The following SUSD4 variants were observed in gnomAD, a reference collection of about 807,000 sequenced individuals.
SUSD4 encodes the protein sushi domain-containing protein 4.
Under a neutral mutation model 50.5 loss-of-function variants are expected in SUSD4, and 41 were observed. The observed-to-expected ratio is 0.81, with a 90% CI of 0.63 to 1.05. The LOEUF (loss-of-function observed/expected upper bound fraction) is 1.05, where lower values mean the gene tolerates loss of function less well. SUSD4 is among the 50% of genes least tolerant of loss of function. The pLI is 0.00. For synonymous variants in SUSD4, 257 were observed against 257.3 expected (o/e 1.00, Z 0.01); for missense variants, 580 against 634.7 (o/e 0.91, Z 0.93).
Position 223,229,421 on chromosome 1 carries a change from A to T in SUSD4, c.725-33T>A. 1 of 1,557,120 alleles carries T rather than the reference A, an allele frequency of 6.4e-7. No homozygotes were observed. Among genetic ancestry groups the T allele is most frequent in the Non-Finnish European group, 8.8e-7 (1 of 1,139,810 alleles). On this transcript the variant is annotated intron_variant, in intron 5 of 8. Coordinates refer to ENST00000366878, the MANE Select transcript of SUSD4 (RefSeq NM_017982.4). This position sits in a 1 kb window ranked among gnomAD's most constrained non-coding sequence, Gnocchi z 4.7. ...AGTAGGGGAGAATAAAAGTTTCAGA[A>T]CCACAAGCTCACCTTTGTCTGAAGC...
intron 2 of SUSD4, among the ~76,000 whole-genome samples, chr1:223,311,246 A>G (rs1665855360): frequency 6.6e-6 from 1 of 152,248 alleles, no homozygotes; most frequent in African/African-American, 2.4e-5. Context: ...TTTTATAAAT[A>G]TGCTGTCAAT....
At chr1:223,300,620 TA>T (rs1665128029) in intron 2 of SUSD4, among the ~76,000 whole-genome samples, 1 of 151,758 alleles carries the variant, frequency 6.6e-6, no homozygotes, top group South Asian at 2.1e-4. Flanking sequence ...CATTTCTCTG[TA>T]AACTGCTATA....
At chr1:223,281,952 G>A (rs941746040) in intron 3 of SUSD4, among the ~76,000 whole-genome samples, 6 of 152,064 alleles carry the variant, frequency 3.9e-5, no homozygotes, top group African/African-American at 1.2e-4. Context: ...ATCAATAAAC[G>A]TAATCCAGCA....
rs1337489343 is a variant in SUSD4 at position 223,268,521 on chromosome 1, A to T, written c.516T>A (p.Asn172Lys). ...VSLCRDDGTW[N>K]NLPICQGCLR... ...CCGTACCTTGACAGATGGGCAGATTATTCCACGTTCCATCATCGCGACATA... is the reference window on the plus strand; with the variant it reads ...CCGTACCTTGACAGATGGGCAGATTTTTCCACGTTCCATCATCGCGACATA... The change falls in exon 4 of 9, where the codon AAT becomes AAA. Residue 172 changes from asparagine to lysine, a missense_variant. Physicochemically the swap from Asn to Lys is moderately conservative, Grantham distance 94 (BLOSUM62 0). Transcript: ENST00000366878. The T allele has an allele frequency of 1.2e-6, 2 of 1,613,820 alleles. No homozygotes were observed. The highest frequency in any genetic ancestry group is 1.7e-5 in the Admixed American group (1 of 59,986).
At chr1:223,284,039 C>T (rs993891323) in intron 3 of SUSD4, among the ~76,000 whole-genome samples, 17 of 146,438 alleles carry the variant, frequency 1.2e-4, no homozygotes, top group African/African-American at 3.5e-4. Flanking sequence ...AATGAGAACA[C>T]GTGGACACAG....
rs112464132 is a variant in SUSD4, at chr1:223,354,034, G to GAA, written c.148+9242_148+9243dup. On this transcript the variant is annotated intron_variant, in intron 2 of 8. Transcript: ENST00000366878. ...CAACAAGAGTGAAACGTTGTCTCAA[G>GAA]AAAAAAAAAAAAAGAAAGTAGCAAA... Among the ~76,000 whole-genome samples the GAA allele has an allele frequency of 8.4e-3, 1,139 of 136,210 alleles. 18 individuals carry two copies. The highest frequency in any genetic ancestry group is 0.03 in the African/African-American group (1,103 of 37,274). 89.4% of individuals were successfully genotyped at this position (136,210 alleles called of 152,430 possible).
chr1:223,259,100 G>A (rs916490858), intron 5 of SUSD4, among the ~76,000 whole-genome samples: 1 of 152,150 alleles, frequency 6.6e-6, no homozygotes, highest in African/African-American at 2.4e-5. Flanking sequence ...GCCCCAGGGG[G>A]ACAGAGACTT....
chr1:223,336,491 G>A (rs532355136), intron 2 of SUSD4, among the ~76,000 whole-genome samples: 6 of 152,330 alleles, frequency 3.9e-5, no homozygotes, highest in South Asian at 2.1e-4. Flanking sequence ...CCTCTGAGGC[G>A]TGAATAGCAC....
intron 2 of SUSD4, among the ~76,000 whole-genome samples, chr1:223,307,918 GCCA>G (rs1665643159): frequency 6.6e-6 from 1 of 152,122 alleles, no homozygotes; most frequent in Admixed American, 6.6e-5. Flanking sequence ...TGTTCTGGTA[GCCA>G]CCAATTCTGT....
intron 3 of SUSD4, among the ~76,000 whole-genome samples, chr1:223,269,963 T>C (rs993565386): frequency 6.6e-6 from 1 of 151,512 alleles, no homozygotes; most frequent in Admixed American, 6.6e-5. Context: ...AGTGGGTGAG[T>C]GGGTGACTCT....
chr1:223,295,360 T>C (rs1664752248), intron 2 of SUSD4, among the ~76,000 whole-genome samples: 1 of 152,266 alleles, frequency 6.6e-6, no homozygotes, highest in Admixed American at 6.5e-5. Context: ...ATCTGGACGT[T>C]TCTGGCTATC....
rs749052584 is a variant in SUSD4, at chr1:223,336,097, G to T, written c.148+27181C>A. ...AAAGCCAAGATGTAAATAATGACAG[G>T]CATGCGCCACCACGCCCAGCTAATT... On this transcript the variant is annotated intron_variant, in intron 2 of 8. Coordinates refer to ENST00000366878, the MANE Select transcript of SUSD4 (RefSeq NM_017982.4). 2.6e-5 allele frequency among the ~76,000 whole-genome samples: 4 copies of T among 152,100 alleles called. 1 individual carries two copies. The highest frequency in any genetic ancestry group is 5.9e-5 in the Non-Finnish European group (4 of 68,032).
At chr1:223,267,797 C>A (rs1328891413) in intron 4 of SUSD4, among the ~76,000 whole-genome samples, 1 of 151,902 alleles carries the variant, frequency 6.6e-6, no homozygotes, top group Non-Finnish European at 1.5e-5. Flanking sequence ...CCTTCTCCCT[C>A]AAATTATGAA....
intron 7 of SUSD4, among the ~76,000 whole-genome samples, chr1:223,226,335 T>C (rs1196086603): frequency 6.6e-6 from 1 of 152,244 alleles, no homozygotes; most frequent in Non-Finnish European, 1.5e-5. Flanking sequence ...AGGATGGCAC[T>C]GACACACCTC....
At chr1:223,330,634 T>C (rs1457935561) in intron 2 of SUSD4, among the ~76,000 whole-genome samples, 1 of 152,232 alleles carries the variant, frequency 6.6e-6, no homozygotes, top group African/African-American at 2.4e-5. Flanking sequence ...CTGGCATTAA[T>C]AGAAATAAAA....
chr1:223,294,295 AGACCTAG>A (rs1262841990), intron 2 of SUSD4, among the ~76,000 whole-genome samples: 3 of 152,204 alleles, frequency 2.0e-5, no homozygotes, highest in African/African-American at 7.2e-5. Flanking sequence ...GTCTCAACCC[AGACCTAG>A]GAGACAGTAA....
At chr1:223,273,497 C>T (rs976366315) in intron 3 of SUSD4, among the ~76,000 whole-genome samples, 4 of 152,204 alleles carry the variant, frequency 2.6e-5, no homozygotes, top group East Asian at 1.9e-4. Flanking sequence ...CTCTGGGCCA[C>T]GCTAGACAGA....
intron 2 of SUSD4, among the ~76,000 whole-genome samples, chr1:223,311,599 T>C (rs1002417975): frequency 1.3e-5 from 2 of 152,220 alleles, no homozygotes; most frequent in Non-Finnish European, 2.9e-5. Context: ...AATAGCCAAA[T>C]ATGGGAATAA....
At chr1:223,316,757 G>C (rs369356198) in intron 2 of SUSD4, among the ~76,000 whole-genome samples, 2 of 152,236 alleles carry the variant, frequency 1.3e-5, no homozygotes, top group Admixed American at 6.5e-5. Flanking sequence ...ATTTGCCCAA[G>C]GTCCCCAAGT....
Sources: gnomAD v4.1 joint callset for allele counts (sites outside exome capture counted in the v4.1 genomes callset) on GRCh38, gnomAD v4.1.1 for gene constraint, Gnocchi (gnomAD v3.1) non-coding constraint, MANE v1.5 for transcripts, NCBI Gene and HGNC (gene_info 2026-07-23, HGNC 2026-07-21) for gene names.